Variants in ADAM17 observed in about 807,000 individuals in gnomAD.
ADAM17 encodes ADAM metallopeptidase domain 17.
In ADAM17, 39 loss-of-function variants were observed where a neutral mutation model predicts 96.7. The ratio of observed to expected loss-of-function variants is 0.40; its 90% confidence interval spans 0.31 to 0.53. ADAM17 has a LOEUF of 0.53. Ranked by LOEUF, ADAM17 falls within the 20% of genes least tolerant of loss-of-function variation. The pLI, the probability that ADAM17 is intolerant of heterozygous loss-of-function variation, is 0.44. For synonymous variants in ADAM17, 344 were observed against 359.2 expected (o/e 0.96, Z 0.48); for missense variants, 777 against 1,013.2 (o/e 0.77, Z 3.17).
At chr2:9,491,224 T>C (rs1662117061) in intron 17 of ADAM17, 73 bp from the exon 18 acceptor site, 1 of 1,363,408 alleles carries the variant, frequency 7.3e-7, no homozygotes, top group Admixed American at 1.8e-5. Context: ...CATCACAGGC[T>C]ATTCCTAACA....
At chr2:9,517,616 A>C (rs1048053296) in intron 10 of ADAM17, among the ~76,000 whole-genome samples, 2 of 152,162 alleles carry the variant, frequency 1.3e-5, no homozygotes, top group African/African-American at 4.8e-5. Context: ...GGACTAGGAG[A>C]CAGGGAGCTC....
At chr2:9,501,598 G>A (rs1429647013) in intron 13 of ADAM17, among the ~76,000 whole-genome samples, 2 of 152,172 alleles carry the variant, frequency 1.3e-5, no homozygotes, top group Non-Finnish European at 2.9e-5. Context: ...CCCCAACAGT[G>A]AAATACATAT....
rs1665729872 is a variant in ADAM17, at chr2:9,555,698, G to T, written c.-93C>A. 1 of 1,032,464 alleles carries T rather than the reference G, an allele frequency of 9.7e-7. No homozygotes were observed. Among genetic ancestry groups the T allele is most frequent in the Non-Finnish European group, 1.4e-6 (1 of 735,014 alleles). The allele number at this position is 1,032,464 out of a possible 1,614,324, so 64.0% of individuals were successfully genotyped here. A position where few individuals can be genotyped will look rare whatever the true frequency, so the allele number is the denominator to read the frequency against. ...CTCACATCGGGGGAGGACGGGATCC[G>T]CCCGGCCTAGCCCCTCAATCCTCTT... On this transcript the variant is annotated 5_prime_UTR_variant, in exon 1 of 19. Transcript: ENST00000310823.
At chr2:9,510,728 A>T (rs1663690243) in intron 10 of ADAM17, among the ~76,000 whole-genome samples, 1 of 151,280 alleles carries the variant, frequency 6.6e-6, no homozygotes, top group South Asian at 2.1e-4. Flanking sequence ...GCTACTTGGG[A>T]GGCTGAGGTG....
In ADAM17 at chr2:9,488,521, G is replaced by A. The variant is rs1249776651; in HGVS notation, c.*1656C>T. ...ACAGTATTTATTAATGCAGATATCA[G>A]TGCTACAGCTATAAAATATACCCTG... On this transcript the variant is annotated 3_prime_UTR_variant, in exon 19 of 19. Coordinates refer to ENST00000310823, the MANE Select transcript of ADAM17 (RefSeq NM_003183.6). The A allele has an allele frequency of 9.0e-6, 4 of 446,546 alleles. No homozygotes were observed. The highest frequency in any genetic ancestry group is 1.6e-5 in the Non-Finnish European group (4 of 255,344). The allele number at this position is 446,546 out of a possible 1,614,324, so 27.7% of individuals were successfully genotyped here. A position where few individuals can be genotyped will look rare whatever the true frequency, so the allele number is the denominator to read the frequency against.
intron 10 of ADAM17, among the ~76,000 whole-genome samples, chr2:9,510,569 CAGG>C (rs1409029019): frequency 6.6e-6 from 1 of 151,570 alleles, no homozygotes; most frequent in Non-Finnish European, 1.5e-5. Flanking sequence ...GAGGCTGAGG[CAGG>C]AGAACTGCTT....
intron 10 of ADAM17, among the ~76,000 whole-genome samples, chr2:9,514,639 C>T (rs1418194461): frequency 6.8e-6 from 1 of 146,782 alleles, no homozygotes; most frequent in South Asian, 2.2e-4. Context: ...TTTGGGAGGC[C>T]AAGGCGGGCA....
chr2:9,499,635 C>T (rs1662882692), intron 13 of ADAM17, among the ~76,000 whole-genome samples: 1 of 152,168 alleles, frequency 6.6e-6, no homozygotes, highest in Non-Finnish European at 1.5e-5. Context: ...ATCTCCTGAT[C>T]TCGTGATCTG....
intron 1 of ADAM17, among the ~76,000 whole-genome samples, chr2:9,547,488 T>C (rs1015412298): frequency 2.0e-5 from 3 of 152,118 alleles, no homozygotes; most frequent in Non-Finnish European, 4.4e-5. Context: ...GAAACGGTTT[T>C]GAAGACCAGA....
At chr2:9,498,189 C>T (rs1662759202) in intron 13 of ADAM17, among the ~76,000 whole-genome samples, 1 of 151,006 alleles carries the variant, frequency 6.6e-6, no homozygotes, top group Non-Finnish European at 1.5e-5. Flanking sequence ...GCCACCATAC[C>T]TGGCTAATTT....
At chr2:9,531,305 C>T (rs563866054) in intron 4 of ADAM17, among the ~76,000 whole-genome samples, 2 of 151,416 alleles carry the variant, frequency 1.3e-5, no homozygotes, top group African/African-American at 2.4e-5. Context: ...TGGTGGCTCA[C>T]GTCTGTCATC....
Position 9,510,244 on chromosome 2 carries a change from A to G in ADAM17, c.1192-113T>C, listed in dbSNP as rs1016499520. 140 of 1,172,762 alleles carry G rather than the reference A, an allele frequency of 1.2e-4. No individual in the cohort carries two copies. In the African/African-American group the frequency reaches 1.9e-3, roughly 16 times the overall value. 72.6% of individuals were successfully genotyped at this position (1,172,762 alleles called of 1,614,324 possible). On this transcript the variant is annotated intron_variant, in intron 10 of 18. Coordinates refer to ENST00000310823, the MANE Select transcript of ADAM17 (RefSeq NM_003183.6). ...GCCTTATAATCAGATCAACAAGAGAATAAGAACTGCATGCTTATAATACCA... is the reference window on the plus strand; with the variant it reads ...GCCTTATAATCAGATCAACAAGAGAGTAAGAACTGCATGCTTATAATACCA...
chr2:9,505,595 A>G (rs1428531814), intron 11 of ADAM17: 2 of 537,046 alleles, frequency 3.7e-6, no homozygotes, highest in Non-Finnish European at 6.7e-6. Context: ...AAGGATCTAT[A>G]ATTCTTCTTA....
chr2:9,491,483 C>T (rs1662144892), intron 17 of ADAM17, among the ~76,000 whole-genome samples: 1 of 152,192 alleles, frequency 6.6e-6, no homozygotes, highest in South Asian at 2.1e-4. Flanking sequence ...TGACAAATGT[C>T]CCAGATGCTG....
At chr2:9,547,341 G>A (rs1665433488) in intron 1 of ADAM17, among the ~76,000 whole-genome samples, 1 of 152,156 alleles carries the variant, frequency 6.6e-6, no homozygotes, top group African/African-American at 2.4e-5. Flanking sequence ...CAGACTTCCA[G>A]TATTGTGACA....
intron 2 of ADAM17, among the ~76,000 whole-genome samples, chr2:9,538,206 A>C (rs1665067954): frequency 6.6e-6 from 1 of 152,210 alleles, no homozygotes; most frequent in African/African-American, 2.4e-5. Context: ...GTCCATGAAC[A>C]CCAAAGACAA....
At chr2:9,523,211 A>G (rs1332003033) in intron 7 of ADAM17, 38 bp downstream of exon 7, 1 of 1,454,998 alleles carries the variant, frequency 6.9e-7, no homozygotes, top group Non-Finnish European at 9.5e-7. Context: ...TTACATTACA[A>G]AACTTAAGTA....
At chr2:9,543,700 G>C (rs1197677070) in intron 1 of ADAM17, among the ~76,000 whole-genome samples, 2 of 152,186 alleles carry the variant, frequency 1.3e-5, no homozygotes, top group Non-Finnish European at 1.5e-5. Context: ...TCTTACTCAT[G>C]TGTGGAAGCT....
intron 1 of ADAM17, among the ~76,000 whole-genome samples, chr2:9,548,897 G>A (rs1665497211): frequency 6.6e-6 from 1 of 152,160 alleles, no homozygotes; most frequent in Non-Finnish European, 1.5e-5. Flanking sequence ...CTGTGGAGTT[G>A]CCTACAGAAG....
Sources: allele counts gnomAD v4.1 joint callset (sites outside exome capture counted in the v4.1 genomes callset), GRCh38; gene constraint gnomAD v4.1.1; transcripts MANE v1.5; gene names NCBI Gene and HGNC (gene_info 2026-07-23, HGNC 2026-07-21).